The following DDX51 variants were observed in gnomAD, a reference collection of about 807,000 sequenced individuals.
DDX51 encodes DEAD-box helicase 51.
A neutral mutation model predicts 74.6 loss-of-function variants in DDX51; 67 were observed. The ratio of observed to expected loss-of-function variants is 0.90; its 90% CI spans 0.74 to 1.10. DDX51 has a LOEUF of 1.10. Among genes scored for constraint, DDX51 ranks in the 50% least tolerant of loss-of-function variants. The pLI is 0.00. For missense variants in DDX51, 1,056 were observed against 905.2 expected (o/e 1.17, Z -2.14); for synonymous variants, 545 against 402.9 (o/e 1.35, Z -4.22).
chr12:132,143,041 C>T, intron 2 of DDX51, 163 bp from the exon 3 acceptor site: 2 of 884,162 alleles, frequency 2.3e-6, no homozygotes, highest in Non-Finnish European at 3.4e-6. Context: ...AGAAGTTAAA[C>T]AGTAAAAGCA....
rs754756947 is a variant in DDX51, at chr12:132,142,478, G to T, written c.671-56C>A. ...GTTTACGCCTAGGCCTAGGCCTGCC[G>T]CTTCCCTGCCTGTGACCTCTGGGCT... On this transcript the variant is annotated intron_variant, in intron 3 of 14. Coordinates refer to ENST00000397333, the MANE Select transcript of DDX51 (RefSeq NM_175066.4). 24 of 1,580,006 alleles carry T rather than the reference G, an allele frequency of 1.5e-5. No individual in the cohort carries two copies. The Middle Eastern group carries it at 5.9e-4, about 39-fold the overall frequency.
chr12:132,140,273 G>A (rs1183655590), intron 11 of DDX51, 74 bp from the exon 12 acceptor site: 1 of 1,571,960 alleles, frequency 6.4e-7, no homozygotes, highest in Non-Finnish European at 8.7e-7. Context: ...CCTGCGGGGG[G>A]CAGCTCAGGC....
intron 14 of DDX51, 78 bp from the exon 15 acceptor site, chr12:132,139,376 G>T (rs1897361180): frequency 6.4e-7 from 1 of 1,570,914 alleles, no homozygotes. Context: ...TCTGCCCCTG[G>T]AACCCTGAGG....
At chr12:132,143,177 C>G (rs1354658050) in intron 2 of DDX51, 1 of 452,342 alleles carries the variant, frequency 2.2e-6, no homozygotes, top group Non-Finnish European at 4.1e-6. Context: ...GCGTCCCTGC[C>G]TCGAGGCCTC....
In DDX51 at chr12:132,137,885, C is replaced by A. The variant is rs903162406; in HGVS notation, c.*1387G>T. On this transcript the variant is annotated 3_prime_UTR_variant, in exon 15 of 15. Coordinates refer to ENST00000397333, the MANE Select transcript of DDX51 (RefSeq NM_175066.4). Reference sequence around the variant, plus strand: ...TGGCCACTGTGTCCCCAGCCCCAACCCCCACCAACTCCCGGCCCCGGCACC... The same window carrying A: ...TGGCCACTGTGTCCCCAGCCCCAACACCCACCAACTCCCGGCCCCGGCACC... 4 of 145,030 alleles carry A rather than the reference C, an allele frequency of 2.8e-5. No homozygotes were observed. The highest frequency in any genetic ancestry group is 1.1e-4 in the African/African-American group (4 of 35,322). 9.0% of individuals were successfully genotyped at this position (145,030 alleles called of 1,614,324 possible).
rs1270223447 is a variant in DDX51 at position 132,137,101 on chromosome 12, C to G, written c.*2171G>C. Reference sequence around the variant, plus strand: ...TCTGTCAGACTCAGTCTGTGCTGCTCTGTGACACTTTTCTGCGAGGGTCTC... The same window carrying G: ...TCTGTCAGACTCAGTCTGTGCTGCTGTGTGACACTTTTCTGCGAGGGTCTC... On this transcript the variant is annotated 3_prime_UTR_variant, in exon 15 of 15. Transcript: ENST00000397333. The G allele has an allele frequency of 6.6e-6, 1 of 152,242 alleles. No homozygotes were observed. The highest frequency in any genetic ancestry group is 1.5e-5 in the Non-Finnish European group (1 of 68,054). The allele number at this position is 152,242 out of a possible 1,614,324, so 9.4% of individuals were successfully genotyped here.
In DDX51 at chr12:132,141,936, G is replaced by A. The variant is rs1271616364; in HGVS notation, c.909C>T (p.Ile303=). 5 of 1,613,034 alleles carry A rather than the reference G, an allele frequency of 3.1e-6. No homozygotes were observed. Among genetic ancestry groups the A allele is most frequent in the Admixed American group, 3.3e-5 (2 of 60,000 alleles). The stretch of plus-strand genomic sequence containing the variant: ...CTCTCAGAGGTGTGGCATCTGTGTA[G>A]ATGTTGAAAACTTTGCTCACCTGCA... ...LAQQVSKVFN[I]YTDATPLRVS... The change falls in exon 6 of 15, where the codon ATC becomes ATT. Residue 303 remains isoleucine (I), a synonymous_variant. Transcript: ENST00000397333.
chr12:132,142,605 G>C (rs73164960), intron 3 of DDX51, 123 bp downstream of exon 3: 9 of 1,487,284 alleles, frequency 6.1e-6, no homozygotes, highest in Middle Eastern at 2.4e-4. Flanking sequence ...CCATGAGCTT[G>C]AGAGTGCTGA....
In DDX51 at chr12:132,138,943, C is replaced by G. The variant is rs1223016468; in HGVS notation, c.*329G>C. The G allele has an allele frequency of 2.4e-5, 9 of 378,290 alleles. 1 individual carries two copies. The highest frequency in any genetic ancestry group is 2.0e-4 in the Admixed American group (5 of 24,622). The allele number at this position is 378,290 out of a possible 1,614,324, so 23.4% of individuals were successfully genotyped here. ...AAGAGCTTGATTTTTAACATTAGCT[C>G]AAGGTTAATGCCCCCAACTCTCAGC... On this transcript the variant is annotated 3_prime_UTR_variant, in exon 15 of 15. Transcript: ENST00000397333.
rs1338362105 is a variant in DDX51 at position 132,141,895 on chromosome 12, C to T, written c.950G>A (p.Gly317Glu). Reference protein sequence around the residue: ...ATPLRVSLVTGQKSLAKEQES... With the variant: ...ATPLRVSLVTEQKSLAKEQES... ...CTGCTCCTTGGCCAGAGACTTCTGT[C>T]CCGTAACCAGGGAGACTCTCAGAGG... Residue 317 changes from glycine (G) to glutamate (E), a missense_variant, in exon 6 of 15, where the codon GGA (glycine) becomes GAA (glutamate). Physicochemically the swap from Gly to Glu is moderately conservative, Grantham distance 98. Transcript: ENST00000397333. 2 of 1,613,218 alleles carry T rather than the reference C, an allele frequency of 1.2e-6. No homozygotes were observed. The highest frequency in any genetic ancestry group is 2.2e-5 in the East Asian group (1 of 44,888).
chr12:132,139,241 G>A lies in DDX51; in HGVS notation c.*31C>T, dbSNP rs777338307. 3.0e-5 allele frequency: 48 copies of A among 1,604,014 alleles called. No homozygotes were observed. Among genetic ancestry groups the A allele is most frequent in the Admixed American group, 1.7e-4 (10 of 59,368 alleles). The stretch of plus-strand genomic sequence containing the variant: ...TGGAAGGAGGGTCAGGGTGGTGAGC[G>A]TTCAGTCCCTCCGGCCCTCTGAGCC... On this transcript the variant is annotated 3_prime_UTR_variant, in exon 15 of 15. Transcript: ENST00000397333.
rs1466462514 is a variant in DDX51 at position 132,140,490 on chromosome 12, AG to A, written c.1605del (p.Ser536ProfsTer11). On this transcript the variant is annotated frameshift_variant, in exon 11 of 15. Coordinates refer to ENST00000397333, the MANE Select transcript of DDX51 (RefSeq NM_175066.4). LOFTEE classifies it high-confidence loss of function. ...QAFGGVDVAE[F>X]SSRYGPGQRR... is the part of the protein sequence containing the mutation. The stretch of plus-strand genomic sequence containing the variant: ...CTCTGGCCAGGCCCGTAGCGCGAGG[AG>A]AACTCAGCCACGTCCACACCCCCAA... 6.2e-7 allele frequency: 1 copy of A among 1,613,056 alleles called. No individual in the cohort carries two copies. The highest frequency in any genetic ancestry group is 8.5e-7 in the Non-Finnish European group (1 of 1,180,032).
At chr12:132,140,031 T>C (rs1897385185) in intron 12 of DDX51, 67 bp downstream of exon 12, 1 of 1,606,154 alleles carries the variant, frequency 6.2e-7, no homozygotes, top group African/African-American at 1.3e-5. Flanking sequence ...GTCAAGACGG[T>C]CCCACATCAA....
In DDX51 at chr12:132,141,972, G is replaced by C. The variant is rs753148115; in HGVS notation, c.889-16C>G. The C allele has an allele frequency of 8.7e-6, 14 of 1,611,894 alleles. No individual in the cohort carries two copies. The highest frequency in any genetic ancestry group is 5.0e-5 in the Admixed American group (3 of 59,978). ...CTTTGCTCACCTGCAGGAGAAGTCT[G>C]TCACTGGCCTGGAGGTAGCTGGTGT... On this transcript the variant is annotated splice_polypyrimidine_tract_variant and intron_variant, in intron 5 of 14. Coordinates refer to ENST00000397333, the MANE Select transcript of DDX51 (RefSeq NM_175066.4).
chr12:132,139,085 C>T lies in DDX51; in HGVS notation c.*187G>A. On this transcript the variant is annotated 3_prime_UTR_variant, in exon 15 of 15. Coordinates refer to ENST00000397333, the MANE Select transcript of DDX51 (RefSeq NM_175066.4). Reference sequence around the variant, plus strand: ...CTGAAAGTGACAAGCCCTGAAGTCTCCAGTCGGGGCAGGTGCTTGAGCTCT... The same window carrying T: ...CTGAAAGTGACAAGCCCTGAAGTCTTCAGTCGGGGCAGGTGCTTGAGCTCT... The T allele has an allele frequency of 1.3e-6, 1 of 769,490 alleles. No individual in the cohort carries two copies. The highest frequency in any genetic ancestry group is 2.1e-6 in the Non-Finnish European group (1 of 484,832). The allele number at this position is 769,490 out of a possible 1,614,324, so 47.7% of individuals were successfully genotyped here.
intron 2 of DDX51, chr12:132,143,271 A>G (rs1166439908): frequency 1.0e-5 from 4 of 399,224 alleles, no homozygotes; most frequent in African/African-American, 8.3e-5. Context: ...CACCTGCCCT[A>G]CCTAAGGTGC....
intron 11 of DDX51, 23 bp from the exon 12 acceptor site, chr12:132,140,222 G>A (rs1432040502): frequency 6.2e-7 from 1 of 1,605,202 alleles, no homozygotes; most frequent in African/African-American, 1.3e-5. Flanking sequence ...GCAGCATTGT[G>A]GGCCCGACGT....
chr12:132,139,848 C>T lies in DDX51; in HGVS notation c.1839+13G>A, dbSNP rs369388129. ...ACCAACAGCAGAAACTCCCAAGACC[C>T]TCGCAGCCTCACCTGCACTTTCAGG... On this transcript the variant is annotated intron_variant, in intron 13 of 14. Transcript: ENST00000397333. 7.4e-6 allele frequency: 12 copies of T among 1,613,004 alleles called. No individual in the cohort carries two copies. The African/African-American group carries it at 1.5e-4, about 20-fold the overall frequency.
chr12:132,143,488 G>T, intron 2 of DDX51: 1 of 676,886 alleles, frequency 1.5e-6, no homozygotes, highest in Non-Finnish European at 2.4e-6. Flanking sequence ...GCGGCGGGAG[G>T]ACAGGGGCAA....
Sources: allele counts gnomAD v4.1 joint callset, GRCh38; gene constraint gnomAD v4.1.1; transcripts MANE v1.5; gene names NCBI Gene and HGNC (gene_info 2026-07-23, HGNC 2026-07-21).